Variants in ZMYM2 observed in about 807,000 individuals in gnomAD.
ZMYM2 encodes zinc finger MYM-type protein 2.
ZMYM2 carries 56 observed loss-of-function variants against 162.8 expected under a neutral mutation model. The observed-to-expected ratio is 0.34, with a 90% CI of 0.28 to 0.43. The LOEUF is 0.43. Among genes scored for constraint, ZMYM2 ranks in the 20% least tolerant of loss-of-function variants. The pLI is 1.00. For missense variants in ZMYM2, 1,275 were observed against 1,621.8 expected, an observed-to-expected ratio of 0.79 and a Z score of 3.67; for synonymous variants, 510 against 541.6, an observed-to-expected ratio of 0.94 and a Z score of 0.81.
rs565939711 is a variant in ZMYM2, at chr13:20,038,374, G to A, written c.2292+1465G>A. Among the ~76,000 whole-genome samples, 12 of 152,258 alleles carry A rather than the reference G, an allele frequency of 7.9e-5. No homozygotes were observed. The South Asian group carries it at 2.3e-3, about 29-fold the overall frequency. ...TGGTTCCTATGTCCAGAATGGTATT[G>A]CCTAGGTTGGCTTCAGGGGTTTTTA... On this transcript the variant is annotated intron_variant, in intron 12 of 24. Coordinates refer to ENST00000610343, the MANE Select transcript of ZMYM2 (RefSeq NM_197968.4).
intron 7 of ZMYM2, 41 bp from the exon 8 acceptor site, chr13:20,026,571 T>C: frequency 1.3e-6 from 2 of 1,545,408 alleles, no homozygotes; most frequent in Non-Finnish European, 1.7e-6. Flanking sequence ...TCTAGTTAAG[T>C]TGTAGTCTTA....
the ZMYM2 span, among the ~76,000 whole-genome samples, chr13:19,920,287 T>G: frequency 2.0e-5 from 3 of 152,174 alleles, no homozygotes; most frequent in Admixed American, 1.3e-4. Context: ...AAAAACATTT[T>G]TTTTTAAACA....
intron 22 of ZMYM2, 89 bp from the exon 23 acceptor site, chr13:20,082,692 G>C (rs1007323653): frequency 8.8e-7 from 1 of 1,134,302 alleles, no homozygotes; most frequent in Non-Finnish European, 1.2e-6. Context: ...GTATAGATTT[G>C]TCCTTAAATT....
chr13:20,045,717 A>G (rs1025582732), intron 12 of ZMYM2, among the ~76,000 whole-genome samples: 4 of 152,042 alleles, frequency 2.6e-5, no homozygotes, highest in Non-Finnish European at 5.9e-5. Flanking sequence ...TTTTATATCT[A>G]TTTTCATTGT....
intron 21 of ZMYM2, among the ~76,000 whole-genome samples, chr13:20,079,449 C>T (rs1957766903): frequency 1.4e-5 from 2 of 147,942 alleles, no homozygotes. Context: ...AGTTGCTGCT[C>T]TTCTTCGCAG....
At chr13:19,922,383 T>G in the ZMYM2 span, among the ~76,000 whole-genome samples, 3 of 152,194 alleles carry the variant, frequency 2.0e-5, no homozygotes, top group African/African-American at 4.8e-5. Context: ...ATTTGGTTAA[T>G]TTATAACTAC....
chr13:19,948,372 G>T, the ZMYM2 span, among the ~76,000 whole-genome samples: 5 of 152,278 alleles, frequency 3.3e-5, no homozygotes, highest in Admixed American at 3.3e-4. Flanking sequence ...TAGGTAAATG[G>T]ATAAATGAAC....
rs1043300047 is a variant in ZMYM2 at position 20,086,761 on chromosome 13, A to G, written c.*747A>G. 3.4e-5 allele frequency: 4 copies of G among 116,126 alleles called. No homozygotes were observed. The highest frequency in any genetic ancestry group is 2.2e-4 in the East Asian group (1 of 4,572). 7.2% of individuals were successfully genotyped at this position (116,126 alleles called of 1,614,324 possible). The stretch of plus-strand genomic sequence containing the variant: ...TATATATATGTATATATATGTATGT[A>G]TGTGTGTGTGTATATATATATATAT... On this transcript the variant is annotated 3_prime_UTR_variant, in exon 25 of 25. Transcript: ENST00000610343.
At chr13:19,959,207 G>A (rs1369541417) in intron 1 of ZMYM2, among the ~76,000 whole-genome samples, 1 of 148,650 alleles carries the variant, frequency 6.7e-6, no homozygotes, top group Non-Finnish European at 1.5e-5. Flanking sequence ...CGGGGCGGGG[G>A]TGCCGGCCGC....
the ZMYM2 span, among the ~76,000 whole-genome samples, chr13:19,941,613 G>T: frequency 2.3e-4 from 35 of 151,264 alleles, no homozygotes; most frequent in East Asian, 6.8e-3. Flanking sequence ...ATTGGTTAAA[G>T]CTCAATTCAA....
the ZMYM2 span, among the ~76,000 whole-genome samples, chr13:19,884,865 T>C: frequency 1.3e-5 from 2 of 152,082 alleles, no homozygotes; most frequent in South Asian, 4.1e-4. Flanking sequence ...CAATTGCGGG[T>C]GCGGGTGGCC....
chr13:20,007,619 A>G (rs1379539315), intron 6 of ZMYM2, among the ~76,000 whole-genome samples: 3 of 108,670 alleles, frequency 2.8e-5, no homozygotes, highest in Non-Finnish European at 4.0e-5. Flanking sequence ...CTCCCTCTTT[A>G]GTTTTTTTTT....
the ZMYM2 span, among the ~76,000 whole-genome samples, chr13:19,932,348 A>T: frequency 2.6e-5 from 4 of 152,104 alleles, no homozygotes; most frequent in South Asian, 8.3e-4. Flanking sequence ...TAGCGCACTT[A>T]TAAGAATAGA....
chr13:19,936,293 T>C, the ZMYM2 span, among the ~76,000 whole-genome samples: 1 of 152,216 alleles, frequency 6.6e-6, no homozygotes, highest in African/African-American at 2.4e-5. Flanking sequence ...AGAGACTGCA[T>C]TTTGAGGCTT....
the ZMYM2 span, among the ~76,000 whole-genome samples, chr13:19,928,028 C>G: frequency 1.3e-5 from 2 of 151,946 alleles, no homozygotes. Flanking sequence ...GTTTTAGAGA[C>G]AAGGTCTTGC....
chr13:19,886,329 T>C, the ZMYM2 span, among the ~76,000 whole-genome samples: 6 of 151,218 alleles, frequency 4.0e-5, no homozygotes, highest in African/African-American at 1.5e-4. Context: ...CACACCCGGC[T>C]AAGTTTGTAT....
chr13:19,949,331 C>T, the ZMYM2 span, among the ~76,000 whole-genome samples: 10 of 152,050 alleles, frequency 6.6e-5, no homozygotes, highest in Admixed American at 3.3e-4. Context: ...TTGCTTGAAC[C>T]GGGACCTGGG....
chr13:20,026,481 T>C, intron 7 of ZMYM2, 131 bp from the exon 8 acceptor site: 1 of 820,286 alleles, frequency 1.2e-6, no homozygotes, highest in Non-Finnish European at 1.8e-6. Flanking sequence ...AGATGAAGAC[T>C]CATGACTCTA....
In ZMYM2 at chr13:20,027,189, C is replaced by T; in HGVS notation, c.1736-14C>T. 4 of 1,538,292 alleles carry T rather than the reference C, an allele frequency of 2.6e-6. No individual in the cohort carries two copies. The South Asian group carries it at 4.9e-5, about 19-fold the overall frequency. ...CTTTATAAACAAATCAGATATGTAC[C>T]TTTTCTTTCCTAGGTTTGGGAATTA... On this transcript the variant is annotated splice_polypyrimidine_tract_variant and intron_variant, in intron 8 of 24. Coordinates refer to ENST00000610343, the MANE Select transcript of ZMYM2 (RefSeq NM_197968.4).
Sources: allele counts gnomAD v4.1 joint callset (sites outside exome capture counted in the v4.1 genomes callset), GRCh38; gene constraint gnomAD v4.1.1; transcripts MANE v1.5; gene names NCBI Gene and HGNC (gene_info 2026-07-23, HGNC 2026-07-21).